The following DERPC variants were observed in gnomAD, a reference collection of about 807,000 sequenced individuals.
DERPC encodes DERPC proline and glycine rich nuclear protein.
Under a neutral mutation model 7.2 loss-of-function variants are expected in DERPC, and 1 was observed. That is an observed-to-expected ratio of 0.14 (90% CI 0.05 to 0.66). DERPC has a LOEUF of 0.66. Among genes scored for constraint, DERPC ranks in the 30% least tolerant of loss-of-function variants. The pLI is 0.84. For missense variants in DERPC, 502 were observed against 299.4 expected, an observed-to-expected ratio of 1.68 and a Z score of -4.99; for synonymous variants, 185 against 117.6, an observed-to-expected ratio of 1.57 and a Z score of -3.71.
chr16:69,131,905 G>A (rs965586064), intron 1 of DERPC, among the ~76,000 whole-genome samples: 3 of 151,426 alleles, frequency 2.0e-5, no homozygotes, highest in Admixed American at 6.6e-5. Context: ...ACCTCTCCCA[G>A]AAGCCTCCCC....
rs1430381360 is a variant in DERPC at position 69,118,566 on chromosome 16, G to A, written c.*288C>T. 3.9e-6 allele frequency: 3 copies of A among 770,592 alleles called. No individual in the cohort carries two copies. In the South Asian group the frequency reaches 4.3e-5, roughly 11 times the overall value. 47.7% of individuals were successfully genotyped at this position (770,592 alleles called of 1,614,324 possible). ...CAAGAACAATTCAAGAAACTAGTAA[G>A]AAACAATGGGCAGAAAGCTGTGGGA... is the stretch of plus-strand genomic sequence containing the variant. On this transcript the variant is annotated 3_prime_UTR_variant, in exon 3 of 3. Coordinates refer to ENST00000519520, the MANE Select transcript of DERPC (RefSeq NM_001002847.4).
intron 1 of DERPC, among the ~76,000 whole-genome samples, chr16:69,122,913 A>C (rs1204212193): frequency 6.6e-6 from 1 of 151,956 alleles, no homozygotes; most frequent in East Asian, 1.9e-4. Flanking sequence ...TCCTGACCTC[A>C]GGTGATCCAC....
chr16:69,118,134 CCCTAATT>C lies in DERPC; in HGVS notation c.*713_*719del. The stretch of plus-strand genomic sequence containing the variant: ...TTCTTCCCTTCATCCCCCACCCCCA[CCCTAATT>C]CCCATATTCCCATCCACATCAGTTT... On this transcript the variant is annotated 3_prime_UTR_variant, in exon 3 of 3. Coordinates refer to ENST00000519520, the MANE Select transcript of DERPC (RefSeq NM_001002847.4). 2.7e-6 allele frequency: 1 copy of C among 371,178 alleles called. No individual in the cohort carries two copies. The highest frequency in any genetic ancestry group is 2.1e-5 in the African/African-American group (1 of 47,980). The allele number at this position is 371,178 out of a possible 1,614,324, so 23.0% of individuals were successfully genotyped here.
rs968445391 is a variant in DERPC, at chr16:69,118,456, G to A, written c.*398C>T. 2 of 1,594,096 alleles carry A rather than the reference G, an allele frequency of 1.3e-6. No individual in the cohort carries two copies. Among genetic ancestry groups the A allele is most frequent in the African/African-American group, 2.7e-5 (2 of 74,544 alleles). ...TTCACCAACGCCACGTTTCTAGAGAGCAGTGAGCTGATTCTCCAATGGTGA... is the reference window on the plus strand; with the variant it reads ...TTCACCAACGCCACGTTTCTAGAGAACAGTGAGCTGATTCTCCAATGGTGA... On this transcript the variant is annotated 3_prime_UTR_variant, in exon 3 of 3. Coordinates refer to ENST00000519520, the MANE Select transcript of DERPC (RefSeq NM_001002847.4).
chr16:69,130,423 ATT>A (rs2152273313), intron 1 of DERPC, among the ~76,000 whole-genome samples: 1 of 152,138 alleles, frequency 6.6e-6, no homozygotes, highest in Admixed American at 6.5e-5. Flanking sequence ...ACAATTTTCT[ATT>A]TTTTGCTAGG....
At chr16:69,124,703 G>A (rs1210800852) in intron 1 of DERPC, among the ~76,000 whole-genome samples, 1 of 152,102 alleles carries the variant, frequency 6.6e-6, no homozygotes, top group African/African-American at 2.4e-5. Flanking sequence ...GTCTTACTAT[G>A]TTGCCCAGGT....
chr16:69,120,055 G>A lies in DERPC; in HGVS notation c.374C>T (p.Pro125Leu), dbSNP rs1961511454. 1 of 688,232 alleles carries A rather than the reference G, an allele frequency of 1.5e-6. No individual in the cohort carries two copies. Among genetic ancestry groups the A allele is most frequent in the Non-Finnish European group, 2.6e-6 (1 of 379,676 alleles). The allele number at this position is 688,232 out of a possible 1,614,324, so 42.6% of individuals were successfully genotyped here. ...PGGLLGPGPG[P>L]GPTLNPRTGA... is the part of the protein sequence containing the mutation. ...TGTCCTAGGGTTTAGGGTGGGGCCT[G>A]GGCCTGGGCCTGGCCCCAAGAGGCC... Residue 125 changes from proline (P) to leucine (L), a missense_variant, in exon 3 of 3, where the codon CCA becomes CTA. Pro to Leu is a moderately conservative substitution (Grantham distance 98, BLOSUM62 -3). Coordinates refer to ENST00000519520, the MANE Select transcript of DERPC (RefSeq NM_001002847.4). The surrounding 1 kb of genome is among the most constrained non-coding windows in gnomAD (Gnocchi z 4.0).
chr16:69,120,371 G>A lies in DERPC; in HGVS notation c.58C>T (p.Leu20=), dbSNP rs1374006277. The change falls in exon 3 of 3, where the codon CTG becomes TTG. Residue 20 remains leucine (L), a synonymous_variant. Coordinates refer to ENST00000519520, the MANE Select transcript of DERPC (RefSeq NM_001002847.4). The surrounding 1 kb of genome is among the most constrained non-coding windows in gnomAD (Gnocchi z 4.0). ...ERPTPWTRAP[L]PPRGRLDGSL... ...CCGTCGAGCCGTCCTCGAGGTGGCA[G>A]CGGAGCACGAGTCCAAGGAGTTGGC... 2 of 1,567,532 alleles carry A rather than the reference G, an allele frequency of 1.3e-6. No homozygotes were observed. The highest frequency in any genetic ancestry group is 4.5e-5 in the East Asian group (2 of 44,664).
intron 1 of DERPC, among the ~76,000 whole-genome samples, chr16:69,129,478 A>G (rs1597122492): frequency 6.6e-6 from 1 of 151,526 alleles, no homozygotes; most frequent in African/African-American, 2.4e-5. Flanking sequence ...CAGGCAGAAC[A>G]TTATTTTTAT....
Position 69,120,783 on chromosome 16 carries a change from C to A in DERPC, c.-221-134G>T. ...GTCTGGCTCTGCCATTGTTGAGCAG[C>A]CACACTGGACCACCCACCCATGTGC... is the stretch of plus-strand genomic sequence containing the variant. On this transcript the variant is annotated intron_variant, in intron 2 of 2. Transcript: ENST00000519520. The surrounding 1 kb of genome is among the most constrained non-coding windows in gnomAD (Gnocchi z 4.0). 1 of 762,154 alleles carries A rather than the reference C, an allele frequency of 1.3e-6. No homozygotes were observed. The highest frequency in any genetic ancestry group is 2.2e-6 in the Non-Finnish European group (1 of 454,102). The allele number at this position is 762,154 out of a possible 1,614,324, so 47.2% of individuals were successfully genotyped here. A position where few individuals can be genotyped will look rare whatever the true frequency, so the allele number is the denominator to read the frequency against.
Position 69,119,146 on chromosome 16 carries a change from G to C in DERPC, c.1283C>G (p.Pro428Arg), listed in dbSNP as rs545857775. The C allele has an allele frequency of 7.1e-6, 5 of 703,012 alleles. No homozygotes were observed. The South Asian group carries it at 7.4e-5, about 10-fold the overall frequency. The allele number at this position is 703,012 out of a possible 1,614,324, so 43.5% of individuals were successfully genotyped here. A position where few individuals can be genotyped will look rare whatever the true frequency, so the allele number is the denominator to read the frequency against. Residue 428 changes from proline (P) to arginine (R), a missense_variant, in exon 3 of 3, where the codon CCA becomes CGA. Pro to Arg is a moderately radical substitution (Grantham distance 103, BLOSUM62 -2). Coordinates refer to ENST00000519520, the MANE Select transcript of DERPC (RefSeq NM_001002847.4). ...AGGGCCTAATGGGCCAGTAGACCTT[G>C]GGAAGGTAGTTGGACTTGGACCCTG... ...GLQGPSPTTF[P>R]RSTGPLGPGQ...
chr16:69,125,866 G>A (rs1962024746), intron 1 of DERPC, among the ~76,000 whole-genome samples: 1 of 152,206 alleles, frequency 6.6e-6, no homozygotes, highest in South Asian at 2.1e-4. Context: ...ATGACACCTA[G>A]ATTATGTCCT....
chr16:69,125,368 G>T (rs1209193174), intron 1 of DERPC, among the ~76,000 whole-genome samples: 4 of 152,184 alleles, frequency 2.6e-5, no homozygotes, highest in African/African-American at 9.7e-5. Context: ...AGGCTACTGA[G>T]GCACACACAG....
chr16:69,124,802 A>T (rs550409219), intron 1 of DERPC, among the ~76,000 whole-genome samples: 39 of 152,268 alleles, frequency 2.6e-4, no homozygotes, highest in Middle Eastern at 6.8e-3. Context: ...TGCAAGCTTG[A>T]GATTTCTTTA....
intron 1 of DERPC, among the ~76,000 whole-genome samples, chr16:69,121,835 T>C (rs1276453822): frequency 6.6e-6 from 1 of 151,678 alleles, no homozygotes; most frequent in Admixed American, 6.6e-5. Flanking sequence ...GGCCGGCTAA[T>C]TTTTTTTGTA....
rs780981876 is a variant in DERPC at position 69,118,304 on chromosome 16, C to T, written c.*550G>A. 1.5e-5 allele frequency: 17 copies of T among 1,155,514 alleles called. No individual in the cohort carries two copies. The highest frequency in any genetic ancestry group is 7.0e-5 in the East Asian group (3 of 42,736). The allele number at this position is 1,155,514 out of a possible 1,614,324, so 71.6% of individuals were successfully genotyped here. On this transcript the variant is annotated 3_prime_UTR_variant, in exon 3 of 3. Transcript: ENST00000519520. ...CAGTCAGTCAAGCAGAAACTGCATT[C>T]GGTGGGTCTTTCTTTGAAGTGGTTG...
chr16:69,131,631 C>T (rs1331360958), intron 1 of DERPC, among the ~76,000 whole-genome samples: 1 of 145,944 alleles, frequency 6.9e-6, no homozygotes, highest in Admixed American at 6.9e-5. Flanking sequence ...CTCCAAATTA[C>T]AAGCTGTTTT....
At position 69,121,435 on chromosome 16, in the gene DERPC, C is replaced by G; in HGVS notation, c.-222+1G>C. On this transcript the variant is annotated splice_donor_variant, in intron 2 of 2. Transcript: ENST00000519520. LOFTEE classifies it low-confidence loss of function (5UTR_SPLICE). ...ATTTTAAAATCTCAAAATGTACTTA[C>G]CTGGAAATAACAATTTGCACCATGA... 6.2e-7 allele frequency: 1 copy of G among 1,607,248 alleles called. No individual in the cohort carries two copies. The highest frequency in any genetic ancestry group is 8.5e-7 in the Non-Finnish European group (1 of 1,177,966).
Position 69,118,842 on chromosome 16 carries a change from G to A in DERPC, c.*12C>T, listed in dbSNP as rs1961377596. On this transcript the variant is annotated 3_prime_UTR_variant, in exon 3 of 3. Coordinates refer to ENST00000519520, the MANE Select transcript of DERPC (RefSeq NM_001002847.4). ...CCTAGAAACCAAGGTGGTCCTGGAG[G>A]GAAAATGGTGTTTAAGGGGGCAACA... The A allele has an allele frequency of 2.9e-6, 2 of 697,320 alleles. 1 individual carries two copies. Among genetic ancestry groups the A allele is most frequent in the South Asian group, 3.0e-5 (2 of 66,940 alleles). 43.2% of individuals were successfully genotyped at this position (697,320 alleles called of 1,614,324 possible).
Sources: allele counts gnomAD v4.1 joint callset (sites outside exome capture counted in the v4.1 genomes callset), GRCh38; gene constraint gnomAD v4.1.1; non-coding constraint Gnocchi (gnomAD v3.1); transcripts MANE v1.5; gene names NCBI Gene and HGNC (gene_info 2026-07-23, HGNC 2026-07-21).